XYLB: variants seen among roughly 807,000 people sequenced by gnomAD.
The protein encoded by XYLB is xylulose kinase.
In XYLB, 62 loss-of-function variants were observed where a neutral mutation model predicts 78.7. The ratio of observed to expected loss-of-function variants is 0.79; its 90% CI spans 0.64 to 0.97. XYLB has a LOEUF of 0.97. Ranked by LOEUF, XYLB falls within the 50% of genes least tolerant of loss-of-function variation. The probability of loss-of-function intolerance (pLI) is 0.00; values close to 1 mark genes in which losing one functional copy is unlikely to be tolerated. For synonymous variants in XYLB, 245 were observed against 247.4 expected (o/e 0.99, Z 0.09); for missense variants, 687 against 676.8 (o/e 1.02, Z -0.17).
chr3:38,366,897 T>A, intron 7 of XYLB, 24 bp downstream of exon 7: 1 of 1,511,610 alleles, frequency 6.6e-7, no homozygotes, highest in Non-Finnish European at 9.2e-7. Flanking sequence ...TCCTGTTTGA[T>A]TGAAAGTCAC....
chr3:38,376,553 C>A (rs947468374), intron 13 of XYLB, among the ~76,000 whole-genome samples: 4 of 152,234 alleles, frequency 2.6e-5, no homozygotes, highest in African/African-American at 7.2e-5. Context: ...CCGTTCACAG[C>A]CTCTGCCCCA....
chr3:38,358,309 T>G lies in XYLB; in HGVS notation c.141-2030T>G, dbSNP rs372189682. 1.5e-4 allele frequency among the ~76,000 whole-genome samples: 8 copies of G among 54,956 alleles called. No individual in the cohort carries two copies. The East Asian group carries it at 2.7e-3, about 18-fold the overall frequency. 36.1% of individuals were successfully genotyped at this position (54,956 alleles called of 152,430 possible). On this transcript the variant is annotated intron_variant, in intron 2 of 18. Transcript: ENST00000207870. ...CTTAGCTGGAAATGCCAGTTTTGTT[T>G]TGTGTGTGTGTGTGTGTGTGTGTGT...
chr3:38,450,659 A>C, the XYLB span, among the ~76,000 whole-genome samples: 2 of 152,216 alleles, frequency 1.3e-5, no homozygotes, highest in Non-Finnish European at 2.9e-5. Flanking sequence ...ACCCAAATAG[A>C]ACTCGTTTTT....
In XYLB at chr3:38,360,365, A is replaced by G; in HGVS notation, c.167A>G (p.Lys56Arg). The change falls in exon 3 of 19, where the codon AAG becomes AGG. Residue 56 changes from lysine to arginine, a missense_variant. Coordinates refer to ENST00000207870, the MANE Select transcript of XYLB (RefSeq NM_005108.4). The stretch of plus-strand genomic sequence containing the variant: ...ACTCAGGGTGGTGTTCATGTGCACA[A>G]GGATGGGCTGACGGTCACTTCTCCA... ...FGTQGGVHVHKDGLTVTSPVL... is the reference protein window; with the variant it reads ...FGTQGGVHVHRDGLTVTSPVL... 1 of 1,613,632 alleles carries G rather than the reference A, an allele frequency of 6.2e-7. No homozygotes were observed. The highest frequency in any genetic ancestry group is 2.2e-5 in the East Asian group (1 of 44,840).
At chr3:38,417,172 A>C (rs1708823861), downstream of XYLB, among the ~76,000 whole-genome samples, 1 of 152,204 alleles carries the variant, frequency 6.6e-6, no homozygotes, top group Non-Finnish European at 1.5e-5. Flanking sequence ...GTGATGGCCC[A>C]CACCTGTAAT....
intron 1 of XYLB, among the ~76,000 whole-genome samples, chr3:38,348,028 C>G (rs1431620030): frequency 6.6e-6 from 1 of 152,238 alleles, no homozygotes; most frequent in Non-Finnish European, 1.5e-5. Context: ...CCTCAGTTTT[C>G]CCATCTGTCC....
downstream of XYLB, among the ~76,000 whole-genome samples, chr3:38,419,588 AT>A (rs1375671865): frequency 6.0e-5 from 7 of 116,470 alleles, 1 homozygote; most frequent in African/African-American, 2.0e-4. Flanking sequence ...TTATATATAT[AT>A]ATATATATAT....
chr3:38,407,392 A>C (rs1708370502), intron 18 of XYLB, among the ~76,000 whole-genome samples: 1 of 152,232 alleles, frequency 6.6e-6, no homozygotes, highest in South Asian at 2.1e-4. Flanking sequence ...AGCACTAAAC[A>C]TGGAAAGGAA....
intron 16 of XYLB, 48 bp from the exon 17 acceptor site, chr3:38,397,024 C>A: frequency 6.3e-7 from 1 of 1,582,842 alleles, no homozygotes; most frequent in East Asian, 2.2e-5. Context: ...TGTCTGTGTT[C>A]CCTCTGAGGA....
intron 18 of XYLB, among the ~76,000 whole-genome samples, chr3:38,412,287 G>A (rs1276195019): frequency 6.6e-6 from 1 of 152,102 alleles, no homozygotes; most frequent in African/African-American, 2.4e-5. Context: ...TACCATGCCC[G>A]GCCAGATCTC....
chr3:38,409,324 C>G (rs1708473145), intron 18 of XYLB, among the ~76,000 whole-genome samples: 1 of 152,034 alleles, frequency 6.6e-6, no homozygotes, highest in Non-Finnish European at 1.5e-5. Context: ...AGGCCTTTGA[C>G]AAAATTCAAC....
intron 18 of XYLB, among the ~76,000 whole-genome samples, chr3:38,403,289 C>CAAA (rs35593230): frequency 2.4e-5 from 3 of 126,484 alleles, no homozygotes; most frequent in Admixed American, 8.1e-5. Flanking sequence ...GACCCTGTCT[C>CAAA]AAAAAAAAAA....
chr3:38,419,415 G>T (rs574228099), downstream of XYLB, among the ~76,000 whole-genome samples: 2 of 151,112 alleles, frequency 1.3e-5, no homozygotes, highest in African/African-American at 4.9e-5. Flanking sequence ...AATTTTTTGG[G>T]TATATACCTA....
intron 16 of XYLB, among the ~76,000 whole-genome samples, chr3:38,396,839 G>A (rs565936349): frequency 6.6e-6 from 1 of 152,230 alleles, no homozygotes; most frequent in Non-Finnish European, 1.5e-5. Context: ...TGGCTAAAAA[G>A]TACAGGGACA....
chr3:38,440,677 T>G, the XYLB span, among the ~76,000 whole-genome samples: 3 of 152,370 alleles, frequency 2.0e-5, no homozygotes, highest in Admixed American at 2.0e-4. Flanking sequence ...TTGGTTACAC[T>G]GACAACAAGG....
intron 15 of XYLB, among the ~76,000 whole-genome samples, chr3:38,387,914 A>T (rs1707456771): frequency 6.6e-6 from 1 of 152,074 alleles, no homozygotes; most frequent in Admixed American, 6.6e-5. Flanking sequence ...CCTATCTGCT[A>T]ATTCATCTCA....
chr3:38,384,274 C>A (rs1407199301), intron 15 of XYLB, among the ~76,000 whole-genome samples: 6 of 152,126 alleles, frequency 3.9e-5, no homozygotes, highest in African/African-American at 1.4e-4. Context: ...CCGTGTTGGC[C>A]AAGCTGGTCT....
chr3:38,421,472 G>A (rs1708976174), downstream of XYLB: 2 of 152,276 alleles, frequency 1.3e-5, no homozygotes, highest in African/African-American at 4.8e-5. Flanking sequence ...AAAAGGAGGA[G>A]TGAACGTTAG....
chr3:38,430,302 C>CATTAT, the XYLB span, among the ~76,000 whole-genome samples: 1 of 152,154 alleles, frequency 6.6e-6, no homozygotes, highest in African/African-American at 2.4e-5. Context: ...TATCTGATGA[C>CATTAT]CAGTGATGAT....
Sources: allele counts gnomAD v4.1 joint callset (sites outside exome capture counted in the v4.1 genomes callset), GRCh38; gene constraint gnomAD v4.1.1; transcripts MANE v1.5; gene names NCBI Gene and HGNC (gene_info 2026-07-23, HGNC 2026-07-21).